The following MYOM1 variants were observed in gnomAD, a reference collection of about 807,000 sequenced individuals.
The protein encoded by MYOM1 is myomesin-1.
MYOM1 carries 164 observed loss-of-function variants against 205.3 expected under a neutral mutation model. That is an observed-to-expected ratio of 0.80 (90% confidence interval 0.70 to 0.91). MYOM1 has a LOEUF of 0.91. Among genes scored for constraint, MYOM1 ranks in the 40% least tolerant of loss-of-function variants. MYOM1 has a pLI of 0.00. For missense variants in MYOM1, 2,011 were observed against 2,127.3 expected (o/e 0.95, Z 1.08); for synonymous variants, 772 against 789.4 (o/e 0.98, Z 0.37).
intron 36 of MYOM1, 50 bp from the exon 37 acceptor site, chr18:3,071,939 G>A: frequency 8.4e-6 from 13 of 1,539,860 alleles, no homozygotes; most frequent in Non-Finnish European, 1.2e-5. Flanking sequence ...AAGGCCAGCG[G>A]TCATACTCAC....
intron 34 of MYOM1, among the ~76,000 whole-genome samples, 183 bp from the exon 35 acceptor site, chr18:3,075,944 A>G (rs1437142174): frequency 1.3e-5 from 2 of 152,210 alleles, no homozygotes; most frequent in Non-Finnish European, 2.9e-5. Context: ...CAGGAAATAC[A>G]TTGTAGGCAC....
At chr18:3,128,418 G>A (rs2079826467) in intron 18 of MYOM1, among the ~76,000 whole-genome samples, 1 of 152,160 alleles carries the variant, frequency 6.6e-6, no homozygotes, top group African/African-American at 2.4e-5. Flanking sequence ...GAAAAACAAT[G>A]TCTCCTAGGA....
In MYOM1 at chr18:3,152,702, G is replaced by C. The variant is rs930294565; in HGVS notation, c.1644-809C>G. 1.2e-4 allele frequency among the ~76,000 whole-genome samples: 19 copies of C among 152,086 alleles called. No individual in the cohort carries two copies. The highest frequency in any genetic ancestry group is 2.4e-4 in the Non-Finnish European group (16 of 68,018). ...GCAGCTCTTACTTTTTTTATGAGCA[G>C]AGTGCTGTACTTTTAGCTCATATCA... is the stretch of plus-strand genomic sequence containing the variant. On this transcript the variant is annotated intron_variant, in intron 11 of 37. Transcript: ENST00000356443. This position sits in a 1 kb window ranked among gnomAD's most constrained non-coding sequence, Gnocchi z 4.3.
chr18:3,098,677 C>T (rs541163584), intron 25 of MYOM1, among the ~76,000 whole-genome samples: 65 of 152,172 alleles, frequency 4.3e-4, no homozygotes, highest in Non-Finnish European at 7.5e-4. Context: ...GCTGCCCAGG[C>T]GCACAGCTTG....
Position 3,155,042 on chromosome 18 carries a change from C to T in MYOM1, c.1548G>A (p.Val516=), listed in dbSNP as rs1358377643. The T allele has an allele frequency of 1.2e-6, 2 of 1,613,314 alleles. No individual in the cohort carries two copies. Among genetic ancestry groups the T allele is most frequent in the Admixed American group, 3.3e-5 (2 of 59,932 alleles). ...AATCTTTGTTGGCCTCCAAGCACTT[C>T]ACATCCAAGGGAGCAGCTGGGGCTC... ...IEGAPAAPLD[V]KCLEANKDYI... The change falls in exon 11 of 38, where the codon GTG becomes GTA. Residue 516 remains valine (V), a synonymous_variant. Transcript: ENST00000356443.
In MYOM1 at chr18:3,151,739, C is replaced by T. The variant is rs758588893; in HGVS notation, c.1798G>A (p.Glu600Lys). The T allele has an allele frequency of 1.1e-5, 18 of 1,613,658 alleles. No homozygotes were observed. In the South Asian group the frequency reaches 1.5e-4, roughly 14 times the overall value. The part of the protein sequence containing the change: ...MGIGFPSRVS[E>K]PVAALDPAEK... ...GCCGGATCCAGAGCAGCCACGGGCT[C>T]GGAAACTCGAGATGGGAAACCTATT... Residue 600 changes from glutamate (E) to lysine (K), a missense_variant, in exon 12 of 38, where the codon GAG (glutamate) becomes AAG (lysine). Transcript: ENST00000356443.
Position 3,153,034 on chromosome 18 carries a change from T to C in MYOM1, c.1644-1141A>G, listed in dbSNP as rs2080243323. On this transcript the variant is annotated intron_variant, in intron 11 of 37. Coordinates refer to ENST00000356443, the MANE Select transcript of MYOM1 (RefSeq NM_003803.4). ...CTAGGGGTTTGGGGAGGTGGGGCTGTGGCAGAAGCTGATAGGGCCAGGACA... is the reference window on the plus strand; with the variant it reads ...CTAGGGGTTTGGGGAGGTGGGGCTGCGGCAGAAGCTGATAGGGCCAGGACA... Among the ~76,000 whole-genome samples, 6 of 152,278 alleles carry C rather than the reference T, an allele frequency of 3.9e-5. No individual in the cohort carries two copies. The South Asian group carries it at 1.0e-3, about 26-fold the overall frequency.
At chr18:3,133,894 G>C (rs528145292) in intron 16 of MYOM1, among the ~76,000 whole-genome samples, 32 of 152,242 alleles carry the variant, frequency 2.1e-4, no homozygotes, top group African/African-American at 7.5e-4. Flanking sequence ...ACAGGGTCTT[G>C]CTCTGTTGCC....
the MYOM1 span, chr18:3,236,371 G>A: frequency 2.0e-5 from 3 of 152,258 alleles, no homozygotes; most frequent in African/African-American, 7.2e-5. Context: ...TAGAAGTGGT[G>A]AGACTTAATA....
intron 9 of MYOM1, among the ~76,000 whole-genome samples, chr18:3,167,603 T>TCAAACTCCTGACCTCAGGTGATCTGCCC (rs2080491681): frequency 6.6e-6 from 1 of 152,206 alleles, no homozygotes; most frequent in Non-Finnish European, 1.5e-5. Context: ...CAGGCTGGTC[T>TCAAACTCCTGACCTCAGGTGATCTGCCC]CAAACTCCTG....
At chr18:3,083,433 T>C (rs112594167) in intron 33 of MYOM1, among the ~76,000 whole-genome samples, 8,868 of 132,412 alleles carry the variant, frequency 0.067, 195 homozygotes, top group South Asian at 0.08. Flanking sequence ...TTTTCTTTTT[T>C]TTTTTTTTTT....
chr18:3,150,747 T>G (rs2080206947), intron 12 of MYOM1, among the ~76,000 whole-genome samples: 1 of 152,210 alleles, frequency 6.6e-6, no homozygotes, highest in Non-Finnish European at 1.5e-5. Context: ...CAAGGCATGA[T>G]TACAGGGCAT....
rs113162598 is a variant in MYOM1 at position 3,089,171 on chromosome 18, T to C, written c.4137+3A>G. 1 of 1,602,818 alleles carries C rather than the reference T, an allele frequency of 6.2e-7. No homozygotes were observed. The highest frequency in any genetic ancestry group is 8.5e-7 in the Non-Finnish European group (1 of 1,171,026). On this transcript the variant is annotated splice_donor_region_variant and intron_variant, in intron 29 of 37. Coordinates refer to ENST00000356443, the MANE Select transcript of MYOM1 (RefSeq NM_003803.4). ...AAATATTAAAAATTTATCTACCTCT[T>C]ACCTTGCATTTCAATAGTACATTAC...
In MYOM1 at chr18:3,126,335, T is replaced by C. The variant is rs559451267; in HGVS notation, c.2991+366A>G. Among the ~76,000 whole-genome samples, 543 of 150,236 alleles carry C rather than the reference T, an allele frequency of 3.6e-3. 7 individuals are homozygous for C. Among genetic ancestry groups the C allele is most frequent in the African/African-American group, 0.013 (525 of 40,954 alleles). ...AAATCCTGGGAATCTTTTTTTTTTT[T>C]CCCCCTCAACTTGAGGGCTGCAGAA... On this transcript the variant is annotated intron_variant, in intron 19 of 37. Transcript: ENST00000356443.
At chr18:3,194,042 G>T in intron 2 of MYOM1, 84 bp from the exon 3 acceptor site, 3 of 1,422,550 alleles carry the variant, frequency 2.1e-6, no homozygotes, top group Non-Finnish European at 9.4e-7. Context: ...TTTTAACTTG[G>T]GAGAAATTTT....
At chr18:3,153,179 A>G (rs2080244700) in intron 11 of MYOM1, among the ~76,000 whole-genome samples, 1 of 152,208 alleles carries the variant, frequency 6.6e-6, no homozygotes, top group Non-Finnish European at 1.5e-5. Flanking sequence ...TGTGGGCAGA[A>G]AGAAAGGTGG....
chr18:3,131,768 A>G (rs1220919334), intron 16 of MYOM1, among the ~76,000 whole-genome samples: 2 of 151,896 alleles, frequency 1.3e-5, no homozygotes, highest in East Asian at 3.9e-4. Context: ...TTAAAGGAAG[A>G]AAAAGATGTA....
At chr18:3,109,617 T>C (rs955089395) in intron 22 of MYOM1, among the ~76,000 whole-genome samples, 3 of 152,160 alleles carry the variant, frequency 2.0e-5, no homozygotes, top group Admixed American at 6.5e-5. Flanking sequence ...TTAACTAAGA[T>C]CTCAGGAGGT....
intron 21 of MYOM1, among the ~76,000 whole-genome samples, chr18:3,115,129 A>G (rs1176283571): frequency 1.3e-5 from 2 of 151,910 alleles, no homozygotes; most frequent in Non-Finnish European, 2.9e-5. Flanking sequence ...TTTACACTGT[A>G]CTTTGGGGGT....
Sources: allele counts gnomAD v4.1 joint callset (sites outside exome capture counted in the v4.1 genomes callset), GRCh38; gene constraint gnomAD v4.1.1; non-coding constraint Gnocchi (gnomAD v3.1); transcripts MANE v1.5; gene names NCBI Gene and HGNC (gene_info 2026-07-23, HGNC 2026-07-21).